The following HMGB1 variants were observed in gnomAD, a reference collection of about 807,000 sequenced individuals.
HMGB1 encodes the protein high mobility group protein B1.
For missense variants in HMGB1, 79 were observed against 253.5 expected, an observed-to-expected ratio of 0.31 and a Z score of 4.67; for synonymous variants, 81 against 84.0, an observed-to-expected ratio of 0.96 and a Z score of 0.19.
rs554404502 is a variant in HMGB1, at chr13:30,559,543, C to T, written c.-15+57128G>A. Among the ~76,000 whole-genome samples, 443 of 152,196 alleles carry T rather than the reference C, an allele frequency of 2.9e-3. 2 individuals are homozygous for T. The highest frequency in any genetic ancestry group is 9.9e-3 in the African/African-American group (410 of 41,518). On this transcript the variant is annotated intron_variant, in intron 1 of 4. Transcript: ENST00000405805. The surrounding 1 kb of genome is among the most constrained non-coding windows in gnomAD (Gnocchi z 6.6). ...TTGCAAAGTAGTGTTCAGAGATGTGCGTGTAGTAGGCTGCCTGCTCTAACA... is the reference window on the plus strand; with the variant it reads ...TTGCAAAGTAGTGTTCAGAGATGTGTGTGTAGTAGGCTGCCTGCTCTAACA...
At chr13:30,600,883 T>C (rs1238689189) in intron 1 of HMGB1, among the ~76,000 whole-genome samples, 4 of 152,198 alleles carry the variant, frequency 2.6e-5, no homozygotes, top group East Asian at 1.9e-4. Context: ...CAGAGCTTGT[T>C]GATAGCAAAG....
intron 1 of HMGB1, among the ~76,000 whole-genome samples, chr13:30,532,276 C>G (rs9579596): frequency 6.9e-6 from 1 of 145,834 alleles, no homozygotes; most frequent in Admixed American, 6.9e-5. Context: ...CGGAGGTTGC[C>G]GTGAGCTGAG....
At chr13:30,467,247 G>T (rs1034822387), upstream of HMGB1, among the ~76,000 whole-genome samples, 6 of 151,812 alleles carry the variant, frequency 4.0e-5, no homozygotes, top group Admixed American at 1.3e-4. Flanking sequence ...ATGGTATTTT[G>T]TACACTTCTA....
chr13:30,470,501 A>G (rs1886894848), upstream of HMGB1, among the ~76,000 whole-genome samples: 1 of 152,230 alleles, frequency 6.6e-6, no homozygotes, highest in South Asian at 2.1e-4. Flanking sequence ...AGAGAAACAC[A>G]TATAGTCTAA....
Position 30,583,423 on chromosome 13 carries a change from C to T in HMGB1, c.-15+33248G>A, listed in dbSNP as rs530044930. ...TGGTGCACCTATAGTCCCAGCTACTCGGGCGGCTGAGCTGGGAGGATCACT... is the reference window on the plus strand; with the variant it reads ...TGGTGCACCTATAGTCCCAGCTACTTGGGCGGCTGAGCTGGGAGGATCACT... On this transcript the variant is annotated intron_variant, in intron 1 of 4. Coordinates refer to the HMGB1 transcript ENST00000405805. Among the ~76,000 whole-genome samples, 14 of 148,150 alleles carry T rather than the reference C, an allele frequency of 9.4e-5. 1 individual carries two copies. The highest frequency in any genetic ancestry group is 3.3e-4 in the African/African-American group (13 of 39,956).
chr13:30,463,777 C>T, intron 1 of HMGB1, 83 bp from the exon 2 acceptor site: 1 of 833,732 alleles, frequency 1.2e-6, no homozygotes, highest in South Asian at 1.9e-5. Context: ...GGAATGAAAA[C>T]CAAAGTACTG....
At chr13:30,502,648 ATTTATTTTAT>A (rs56283529) in intron 1 of HMGB1, among the ~76,000 whole-genome samples, 1 of 146,248 alleles carries the variant, frequency 6.8e-6, no homozygotes, top group Admixed American at 6.9e-5. Flanking sequence ...ACTTTATTTT[ATTTATTTTAT>A]TTTATTTTAT....
chr13:30,507,053 G>C (rs1048085843), intron 1 of HMGB1, among the ~76,000 whole-genome samples: 1 of 152,136 alleles, frequency 6.6e-6, no homozygotes, highest in Non-Finnish European at 1.5e-5. Flanking sequence ...TCATATTCAG[G>C]GCAAAATTCC....
chr13:30,578,424 T>C (rs1346235079), intron 1 of HMGB1, among the ~76,000 whole-genome samples: 4 of 143,348 alleles, frequency 2.8e-5, no homozygotes, highest in Admixed American at 2.1e-4. Flanking sequence ...GCCTGCTATA[T>C]GGTAAATGTC....
At chr13:30,487,049 C>A (rs1887381172) in intron 1 of HMGB1, among the ~76,000 whole-genome samples, 1 of 152,084 alleles carries the variant, frequency 6.6e-6, no homozygotes, top group Non-Finnish European at 1.5e-5. Context: ...AAAAAGGATA[C>A]AAGGGACATG....
At chr13:30,524,169 C>T (rs1484327604) in intron 1 of HMGB1, among the ~76,000 whole-genome samples, 2 of 151,762 alleles carry the variant, frequency 1.3e-5, no homozygotes, top group African/African-American at 4.8e-5. Context: ...AGGGGAACAT[C>T]ACACACCAGG....
intron 1 of HMGB1, among the ~76,000 whole-genome samples, chr13:30,524,674 ACT>A (rs1334113782): frequency 6.8e-6 from 1 of 148,066 alleles, no homozygotes; most frequent in African/African-American, 2.5e-5. Context: ...CAAGAGCAAG[ACT>A]CTGTCTCAAA....
intron 1 of HMGB1, among the ~76,000 whole-genome samples, chr13:30,537,652 C>CATATTATATAT (rs1491255988): frequency 3.1e-4 from 21 of 67,998 alleles, no homozygotes; most frequent in African/African-American, 6.7e-4. Flanking sequence ...CATTCTTGTT[C>CATATTATATAT]ATATATATAT....
intron 1 of HMGB1, among the ~76,000 whole-genome samples, chr13:30,586,487 T>G (rs8002222): frequency 0.022 from 1,146 of 51,348 alleles, 43 homozygotes; most frequent in African/African-American, 0.067. Context: ...TTGTTTTTTT[T>G]TTTTTTTTTT....
intron 1 of HMGB1, chr13:30,554,409 T>C (rs1869581424): frequency 1.6e-5 from 13 of 820,208 alleles, no homozygotes; most frequent in Non-Finnish European, 2.4e-5. Context: ...ATTAAACAAG[T>C]GTTATTGAAC....
intron 1 of HMGB1, among the ~76,000 whole-genome samples, chr13:30,489,654 C>T (rs1311034484): frequency 6.6e-6 from 1 of 152,010 alleles, no homozygotes; most frequent in African/African-American, 2.4e-5. Context: ...TTCCTTGGCC[C>T]ACTGGGTCAC....
chr13:30,597,015 G>T (rs1021875790), intron 1 of HMGB1, among the ~76,000 whole-genome samples: 4 of 152,192 alleles, frequency 2.6e-5, no homozygotes, highest in African/African-American at 9.6e-5. Flanking sequence ...TGATTTGAAT[G>T]ACTTCTTTAT....
chr13:30,592,143 T>C (rs569950803), intron 1 of HMGB1, among the ~76,000 whole-genome samples: 15 of 150,128 alleles, frequency 1.0e-4, no homozygotes, highest in African/African-American at 3.8e-4. Context: ...TCAATACTTG[T>C]CAATATAGAA....
intron 1 of HMGB1, among the ~76,000 whole-genome samples, chr13:30,581,477 C>T (rs77156777): frequency 6.6e-6 from 1 of 152,178 alleles, no homozygotes; most frequent in Non-Finnish European, 1.5e-5. Flanking sequence ...GCTGCTTTTG[C>T]GCTACAGCAG....
Sources: gnomAD v4.1 joint callset for allele counts (sites outside exome capture counted in the v4.1 genomes callset) on GRCh38, gnomAD v4.1.1 for gene constraint, Gnocchi (gnomAD v3.1) non-coding constraint, MANE v1.5 for transcripts, NCBI Gene and HGNC (gene_info 2026-07-23, HGNC 2026-07-21) for gene names.